AK5: variants seen among roughly 807,000 people sequenced by gnomAD.
The protein encoded by AK5 is adenylate kinase 5.
A neutral mutation model predicts 69.5 loss-of-function variants in AK5; 27 were observed. That is an observed-to-expected ratio of 0.39 (90% CI 0.29 to 0.54). AK5 has a LOEUF of 0.54. AK5 is among the 20% of genes least tolerant of loss of function. The probability of loss-of-function intolerance (pLI) is 0.71; values close to 1 mark genes in which losing one functional copy is unlikely to be tolerated. For missense variants in AK5, 531 were observed against 700.4 expected (o/e 0.76, Z 2.73); for synonymous variants, 260 against 244.4 (o/e 1.06, Z -0.60).
chr1:77,529,026 G>A (rs1553161128), intron 12 of AK5, among the ~76,000 whole-genome samples: 1 of 152,016 alleles, frequency 6.6e-6, no homozygotes, highest in Non-Finnish European at 1.5e-5. Context: ...AGTCTTTACA[G>A]TTTTTTTAAT....
At chr1:77,521,026 A>C (rs1255767113) in intron 11 of AK5, among the ~76,000 whole-genome samples, 1 of 152,244 alleles carries the variant, frequency 6.6e-6, no homozygotes, top group Non-Finnish European at 1.5e-5. Flanking sequence ...ATTTTCAACA[A>C]AGAAAGTGAT....
chr1:77,502,572 A>G (rs1466633985), intron 10 of AK5, among the ~76,000 whole-genome samples: 1 of 152,204 alleles, frequency 6.6e-6, no homozygotes, highest in African/African-American at 2.4e-5. Context: ...GACAGAGTCT[A>G]ATGTAGGCCT....
chr1:77,542,986 C>T (rs1361449070), intron 13 of AK5, among the ~76,000 whole-genome samples: 2 of 152,212 alleles, frequency 1.3e-5, no homozygotes, highest in Non-Finnish European at 2.9e-5. Flanking sequence ...TCCTTGGCAA[C>T]TCTGCTTTTG....
chr1:77,401,506 AT>A (rs774585364), intron 6 of AK5, among the ~76,000 whole-genome samples: 6 of 151,548 alleles, frequency 4.0e-5, no homozygotes, highest in Non-Finnish European at 5.9e-5. Flanking sequence ...CAGCCAATTG[AT>A]TTCCCCATCA....
intron 6 of AK5, among the ~76,000 whole-genome samples, chr1:77,406,198 G>T (rs1323323227): frequency 7.8e-6 from 1 of 127,442 alleles, no homozygotes. Context: ...TGGCCACCTT[G>T]TATCTGCCCT....
At chr1:77,292,173 G>C (rs139634770) in intron 2 of AK5, among the ~76,000 whole-genome samples, 1 of 152,330 alleles carries the variant, frequency 6.6e-6, no homozygotes, top group East Asian at 1.9e-4. Context: ...TGTGCAGAGA[G>C]AGGAAAAGAA....
At chr1:77,557,871 A>C (rs1660201879) in intron 13 of AK5, among the ~76,000 whole-genome samples, 1 of 152,104 alleles carries the variant, frequency 6.6e-6, no homozygotes. Flanking sequence ...TGCTCTAAAA[A>C]TCCTGTGCTC....
At chr1:77,391,682 A>G (rs1378767022) in intron 6 of AK5, among the ~76,000 whole-genome samples, 1 of 151,654 alleles carries the variant, frequency 6.6e-6, no homozygotes, top group Non-Finnish European at 1.5e-5. Context: ...TCTAGAAAAC[A>G]TTTCCCATGT....
At chr1:77,406,310 A>T (rs908915084) in intron 6 of AK5, among the ~76,000 whole-genome samples, 4 of 144,276 alleles carry the variant, frequency 2.8e-5, no homozygotes, top group African/African-American at 1.1e-4. Context: ...GAGCCTGGAG[A>T]TGTTTCCAGG....
intron 8 of AK5, among the ~76,000 whole-genome samples, chr1:77,442,818 G>T (rs569728295): frequency 4.9e-4 from 74 of 152,284 alleles, no homozygotes; most frequent in African/African-American, 1.7e-3. Flanking sequence ...AACAAGGATG[G>T]TGTCAGTCCA....
intron 10 of AK5, among the ~76,000 whole-genome samples, chr1:77,490,241 C>T (rs560736798): frequency 1.3e-5 from 2 of 152,296 alleles, no homozygotes; most frequent in Admixed American, 6.5e-5. Flanking sequence ...ATCAGATGCT[C>T]CTTTCTCCAT....
rs190229652 is a variant in AK5 at position 77,527,791 on chromosome 1, G to A, written c.1428+5848G>A. The stretch of plus-strand genomic sequence containing the variant: ...ACCTGACCAGATGGCCGGGCACGGT[G>A]GCTCACGCCTGTAATCCCAGCACTT... On this transcript the variant is annotated intron_variant, in intron 12 of 13. Transcript: ENST00000354567. 3.8e-3 allele frequency among the ~76,000 whole-genome samples: 573 copies of A among 152,288 alleles called. 7 individuals carry two copies. Among genetic ancestry groups the A allele is most frequent in the Non-Finnish European group, 4.6e-3 (311 of 68,014 alleles).
intron 10 of AK5, among the ~76,000 whole-genome samples, chr1:77,497,056 A>G (rs1656362800): frequency 6.6e-6 from 1 of 152,192 alleles, no homozygotes; most frequent in South Asian, 2.1e-4. Context: ...CGCTTTTCAC[A>G]ATAAATCTTG....
chr1:77,537,254 C>T (rs1388295030), intron 13 of AK5, among the ~76,000 whole-genome samples: 2 of 151,872 alleles, frequency 1.3e-5, no homozygotes, highest in Non-Finnish European at 2.9e-5. Flanking sequence ...CCAGAGAAGC[C>T]CCAAGTGGAG....
At chr1:77,440,041 C>T in intron 8 of AK5, among the ~76,000 whole-genome samples, 1 of 152,036 alleles carries the variant, frequency 6.6e-6, no homozygotes, top group Admixed American at 6.5e-5. Context: ...TGATTCTTTT[C>T]TTTCTCTTTG....
intron 13 of AK5, among the ~76,000 whole-genome samples, chr1:77,538,218 A>C (rs763153157): frequency 3.9e-5 from 6 of 151,944 alleles, no homozygotes; most frequent in Non-Finnish European, 7.4e-5. Flanking sequence ...ATATGCCTGC[A>C]GTCCCAGCTA....
chr1:77,289,067 G>T (rs1441182572), intron 2 of AK5, among the ~76,000 whole-genome samples: 2 of 152,094 alleles, frequency 1.3e-5, no homozygotes, highest in African/African-American at 4.8e-5. Context: ...TCTATTCATA[G>T]ACCCACTTTC....
intron 1 of AK5, among the ~76,000 whole-genome samples, chr1:77,284,113 T>C (rs1260205909): frequency 6.6e-6 from 1 of 152,200 alleles, no homozygotes; most frequent in East Asian, 1.9e-4. Flanking sequence ...GAAGTCAACT[T>C]GCTTGGGTGA....
intron 5 of AK5, among the ~76,000 whole-genome samples, chr1:77,335,312 C>T (rs750042333): frequency 6.0e-5 from 9 of 151,048 alleles, no homozygotes; most frequent in African/African-American, 1.9e-4. Context: ...TTGTTGATTC[C>T]GCAGGAGAAA....
Sources: gnomAD v4.1 joint callset for allele counts (sites outside exome capture counted in the v4.1 genomes callset) on GRCh38, gnomAD v4.1.1 for gene constraint, MANE v1.5 for transcripts, NCBI Gene and HGNC (gene_info 2026-07-23, HGNC 2026-07-21) for gene names.